The following ERICH3 variants were observed in gnomAD, a reference collection of about 807,000 sequenced individuals.
The protein encoded by ERICH3 is glutamate-rich protein 3.
A neutral mutation model predicts 131.1 loss-of-function variants in ERICH3; 126 were observed. That is an observed-to-expected ratio of 0.96 (90% CI 0.83 to 1.11). ERICH3 has a LOEUF of 1.11. ERICH3 is among the 50% of genes most tolerant of loss of function. The probability of loss-of-function intolerance (pLI) is 0.00; values close to 1 mark genes in which losing one functional copy is unlikely to be tolerated. For synonymous variants in ERICH3, 695 were observed against 644.6 expected, an observed-to-expected ratio of 1.08 and a Z score of -1.18; for missense variants, 2,050 against 1,810.7, an observed-to-expected ratio of 1.13 and a Z score of -2.40.
intron 1 of ERICH3, among the ~76,000 whole-genome samples, chr1:74,671,936 G>T (rs528035720): frequency 2.9e-4 from 44 of 152,204 alleles, no homozygotes; most frequent in African/African-American, 1.1e-3. Context: ...AGTATTTGTT[G>T]CCATCTTAAC....
At chr1:74,582,561 C>T (rs1647198048) in intron 12 of ERICH3, among the ~76,000 whole-genome samples, 1 of 152,128 alleles carries the variant, frequency 6.6e-6, no homozygotes, top group Non-Finnish European at 1.5e-5. Flanking sequence ...CGATTTATAG[C>T]CTTCATATCA....
chr1:74,666,084 A>G (rs544391127), intron 1 of ERICH3, among the ~76,000 whole-genome samples: 2 of 152,306 alleles, frequency 1.3e-5, no homozygotes, highest in East Asian at 1.9e-4. Context: ...TACCTTCTAC[A>G]TCCCAGAACA....
rs905981696 is a variant in ERICH3 at position 74,574,944 on chromosome 1, G to C, written c.2219-1453C>G. 2.0e-5 allele frequency among the ~76,000 whole-genome samples: 3 copies of C among 150,714 alleles called. No individual in the cohort carries two copies. In the East Asian group the frequency reaches 5.8e-4, roughly 29 times the overall value. ...TATTAATTAAAAAATCACTGGACTA[G>C]ATTTTATAAAATAAGTTATCATACC... is the stretch of plus-strand genomic sequence containing the variant. On this transcript the variant is annotated intron_variant, in intron 13 of 14. Transcript: ENST00000326665.
intron 8 of ERICH3, among the ~76,000 whole-genome samples, chr1:74,615,837 T>C (rs1648936347): frequency 1.3e-5 from 2 of 152,190 alleles, no homozygotes; most frequent in Admixed American, 1.3e-4. Context: ...ACCAGCCGCT[T>C]TGCTGTCTGT....
In ERICH3 at chr1:74,571,466, A is replaced by G. The variant is rs1646944164; in HGVS notation, c.4244T>C (p.Val1415Ala). The change falls in exon 14 of 15, where the codon GTG becomes GCG. Residue 1415 changes from valine to alanine, a missense_variant. Coordinates refer to ENST00000326665, the MANE Select transcript of ERICH3 (RefSeq NM_001002912.5). The part of the protein sequence containing the change: ...VEELARSGEE[V>A]PAAEEMTVTY... Reference sequence around the variant, plus strand: ...CACTGTCATCTCCTCTGCTGCTGGCACTTCCTCCCCACTCCGTGCTAATTC... The same window carrying G: ...CACTGTCATCTCCTCTGCTGCTGGCGCTTCCTCCCCACTCCGTGCTAATTC... 4.3e-6 allele frequency: 7 copies of G among 1,613,490 alleles called. No homozygotes were observed. Among genetic ancestry groups the G allele is most frequent in the Non-Finnish European group, 5.9e-6 (7 of 1,179,918 alleles).
At chr1:74,627,536 C>T (rs759462979) in intron 7 of ERICH3, among the ~76,000 whole-genome samples, 1 of 152,028 alleles carries the variant, frequency 6.6e-6, no homozygotes, top group East Asian at 1.9e-4. Flanking sequence ...AACAGAGATT[C>T]TCAGATTGAA....
At chr1:74,604,113 TG>T (rs1307703462) in intron 10 of ERICH3, among the ~76,000 whole-genome samples, 2 of 151,954 alleles carry the variant, frequency 1.3e-5, no homozygotes, top group African/African-American at 4.8e-5. Context: ...CTAAATTCTT[TG>T]TTGTCATTTC....
intron 10 of ERICH3, among the ~76,000 whole-genome samples, chr1:74,604,413 A>G (rs1457549616): frequency 1.3e-5 from 2 of 151,966 alleles, no homozygotes; most frequent in Non-Finnish European, 2.9e-5. Context: ...TGAATCATGA[A>G]TGTTCTTAAT....
At chr1:74,641,012 A>C (rs1646433147) in intron 5 of ERICH3, among the ~76,000 whole-genome samples, 1 of 152,120 alleles carries the variant, frequency 6.6e-6, no homozygotes, top group Non-Finnish European at 1.5e-5. Context: ...AGGGTCTTAA[A>C]TGTCACCTGA....
At position 74,573,185 on chromosome 1, in the gene ERICH3, G is replaced by T. The variant is rs1320814904; in HGVS notation, c.2525C>A (p.Ala842Glu). The T allele has an allele frequency of 4.3e-6, 7 of 1,613,180 alleles. No individual in the cohort carries two copies. The Admixed American group carries it at 5.0e-5, about 12-fold the overall frequency. Reference protein sequence around the residue: ...PPGIERGAEGAAEAEGVRRLG... With the variant: ...PPGIERGAEGEAEAEGVRRLG... ...CCTTCTGACCCCTTCTGCTTCTGCT[G>T]CTCCCTCTGCCCCCCTTTCTATGCC... The change falls in exon 14 of 15, where the codon GCA becomes GAA. Residue 842 changes from alanine (A) to glutamate (E), a missense_variant. Physicochemically the swap from Ala to Glu is moderately radical, Grantham distance 107 (BLOSUM62 -1). Coordinates refer to ENST00000326665, the MANE Select transcript of ERICH3 (RefSeq NM_001002912.5).
chr1:74,586,510 T>G (rs1647337906), intron 12 of ERICH3: 2 of 982,418 alleles, frequency 2.0e-6, no homozygotes, highest in Middle Eastern at 5.2e-4. Flanking sequence ...CTGTAATGTT[T>G]AAACATTTAA....
chr1:74,631,069 G>T (rs1425135174), intron 7 of ERICH3, among the ~76,000 whole-genome samples: 1 of 152,002 alleles, frequency 6.6e-6, no homozygotes. Context: ...CTTCCTGATG[G>T]TCAGTCAGTG....
intron 1 of ERICH3, among the ~76,000 whole-genome samples, chr1:74,672,934 T>C (rs763336406): frequency 6.6e-6 from 1 of 152,160 alleles, no homozygotes; most frequent in Non-Finnish European, 1.5e-5. Context: ...TCTTTTCCTG[T>C]GCCATATAAC....
chr1:74,627,644 C>A (rs946223656), intron 7 of ERICH3, among the ~76,000 whole-genome samples: 4 of 151,874 alleles, frequency 2.6e-5, no homozygotes, highest in African/African-American at 9.7e-5. Flanking sequence ...AATATATATA[C>A]ACATATGCAT....
Position 74,571,222 on chromosome 1 carries a change from T to C in ERICH3, c.4488A>G (p.Thr1496=), listed in dbSNP as rs755068522. 6.2e-7 allele frequency: 1 copy of C among 1,614,122 alleles called. No homozygotes were observed. Among genetic ancestry groups the C allele is most frequent in the African/African-American group, 1.3e-5 (1 of 75,020 alleles). Residue 1496 remains threonine, a synonymous_variant, in exon 14 of 15, where the codon ACA becomes ACG. Coordinates refer to ENST00000326665, the MANE Select transcript of ERICH3 (RefSeq NM_001002912.5). ...CAGTGAAATCAGGCTTCACTGGAAG[T>C]GTTGCCATCGCCTGTAGACTCTCCG... ...LSPESLQAMA[T]LPVKPDFTET...
At position 74,572,558 on chromosome 1, in the gene ERICH3, G is replaced by GA; in HGVS notation, c.3151_3152insT (p.Pro1051LeufsTer14). 6.2e-7 allele frequency: 1 copy of GA among 1,613,726 alleles called. No individual in the cohort carries two copies. Among genetic ancestry groups the GA allele is most frequent in the South Asian group, 1.1e-5 (1 of 91,054 alleles). On this transcript the variant is annotated frameshift_variant, in exon 14 of 15. Transcript: ENST00000326665. LOFTEE classifies it high-confidence loss of function. ...CTCTCTTGCTAAATCTAATTCCTTG[G>GA]GTAAAATTTCTTTCCTATCATCTTC...
chr1:74,608,648 C>G (rs1648515544), intron 9 of ERICH3, among the ~76,000 whole-genome samples: 1 of 152,046 alleles, frequency 6.6e-6, no homozygotes, highest in Non-Finnish European at 1.5e-5. Context: ...CAAAATAAAG[C>G]TAGAAGGATT....
intron 12 of ERICH3, chr1:74,579,615 G>C (rs1296392208): frequency 3.0e-6 from 3 of 985,334 alleles, no homozygotes; most frequent in Non-Finnish European, 3.6e-6. Flanking sequence ...GGCTTCACTT[G>C]GTCGTTTTTT....
At chr1:74,600,386 T>A (rs905881800) in intron 10 of ERICH3, among the ~76,000 whole-genome samples, 3 of 151,698 alleles carry the variant, frequency 2.0e-5, no homozygotes, top group African/African-American at 7.3e-5. Flanking sequence ...AGTGGAAAAA[T>A]TCAATTAATC....
Sources: gnomAD v4.1 joint callset for allele counts (sites outside exome capture counted in the v4.1 genomes callset) on GRCh38, gnomAD v4.1.1 for gene constraint, MANE v1.5 for transcripts, NCBI Gene and HGNC (gene_info 2026-07-23, HGNC 2026-07-21) for gene names.